RAD54L2: variants seen among roughly 807,000 people sequenced by gnomAD.
The protein encoded by RAD54L2 is RAD54 like 2, also known as helicase ARIP4.
A neutral mutation model predicts 138.4 loss-of-function variants in RAD54L2; 27 were observed. The ratio of observed to expected loss-of-function variants is 0.20; its 90% CI spans 0.14 to 0.27. The LOEUF (loss-of-function observed/expected upper bound fraction) is 0.27. Among genes scored for constraint, RAD54L2 ranks in the 10% least tolerant of loss-of-function variants. The pLI, the probability that RAD54L2 is intolerant of heterozygous loss-of-function variation, is 1.00. For synonymous variants in RAD54L2, 644 were observed against 723.2 expected, an observed-to-expected ratio of 0.89 and a Z score of 1.76; for missense variants, 1,396 against 1,890.2, an observed-to-expected ratio of 0.74 and a Z score of 4.85.
rs9844541 is a variant in RAD54L2, at chr3:51,634,139, T to C, written c.1142+104T>C. The C allele has an allele frequency of 8.5e-3, 11,858 of 1,399,132 alleles. 676 individuals carry two copies. In the African/African-American group the frequency reaches 0.13, roughly 16 times the overall value. 86.7% of individuals were successfully genotyped at this position (1,399,132 alleles called of 1,614,324 possible). ...GAGTGTGTAGCCTGTGCATCTAGATTTGTTTTTGGTTTCCTGATGTATCAC... is the reference window on the plus strand; with the variant it reads ...GAGTGTGTAGCCTGTGCATCTAGATCTGTTTTTGGTTTCCTGATGTATCAC... On this transcript the variant is annotated intron_variant, in intron 9 of 22. Transcript: ENST00000684192.
At chr3:51,660,775 C>G (rs1701746534) in intron 22 of RAD54L2, among the ~76,000 whole-genome samples, 2 of 151,786 alleles carry the variant, frequency 1.3e-5, no homozygotes, top group Admixed American at 6.6e-5. Context: ...AAGCATGCCA[C>G]CACGCCCAGC....
Position 51,664,356 on chromosome 3 carries a change from C to T in RAD54L2, c.*936C>T, listed in dbSNP as rs1309689094. 6.6e-6 allele frequency: 1 copy of T among 152,220 alleles called. No individual in the cohort carries two copies. The highest frequency in any genetic ancestry group is 2.4e-5 in the African/African-American group (1 of 41,440). 9.4% of individuals were successfully genotyped at this position (152,220 alleles called of 1,614,324 possible). On this transcript the variant is annotated 3_prime_UTR_variant, in exon 23 of 23. Coordinates refer to ENST00000684192, the MANE Select transcript of RAD54L2 (RefSeq NM_015106.4). Reference sequence around the variant, plus strand: ...CAGAGGCTGGGAGGGAGAAGCACTGCAGTACGTGAATGAAAGGTCGCAGAG... The same window carrying T: ...CAGAGGCTGGGAGGGAGAAGCACTGTAGTACGTGAATGAAAGGTCGCAGAG...
intron 3 of RAD54L2, among the ~76,000 whole-genome samples, chr3:51,600,096 C>A (rs1700048226): frequency 6.6e-6 from 1 of 151,926 alleles, no homozygotes; most frequent in Non-Finnish European, 1.5e-5. Flanking sequence ...CCATGCCTGG[C>A]TAATTTTTGT....
chr3:51,653,153 T>C (rs534332675), intron 19 of RAD54L2, among the ~76,000 whole-genome samples: 33 of 152,276 alleles, frequency 2.2e-4, no homozygotes, highest in Admixed American at 5.9e-4. Flanking sequence ...AGAAGACATT[T>C]AGGCAGCCAA....
At chr3:51,583,227 A>G (rs1253722988) in intron 2 of RAD54L2, among the ~76,000 whole-genome samples, 1 of 152,178 alleles carries the variant, frequency 6.6e-6, no homozygotes, top group African/African-American at 2.4e-5. Context: ...AGATTCCTAG[A>G]TCTCCTTCAA....
rs1701837509 is a variant in RAD54L2 at position 51,663,363 on chromosome 3, C to T, written c.4347C>T (p.Phe1449=). The part of the protein sequence containing the change: ...FDSHEVAEVG[F]SSNDDEDKDD... ...CTCATGAGGTTGCCGAGGTTGGGTTCAGCTCCAATGATGATGAGGATAAAG... is the reference window on the plus strand; with the variant it reads ...CTCATGAGGTTGCCGAGGTTGGGTTTAGCTCCAATGATGATGAGGATAAAG... Residue 1449 remains phenylalanine, a synonymous_variant, in exon 23 of 23, where the codon TTC becomes TTT. Transcript: ENST00000684192. The T allele has an allele frequency of 2.5e-6, 4 of 1,613,772 alleles. No individual in the cohort carries two copies. The highest frequency in any genetic ancestry group is 1.3e-5 in the African/African-American group (1 of 74,858).
intron 2 of RAD54L2, among the ~76,000 whole-genome samples, chr3:51,573,484 C>T (rs1699389093): frequency 6.6e-6 from 1 of 151,818 alleles, no homozygotes; most frequent in Non-Finnish European, 1.5e-5. Flanking sequence ...TGCTGTTTCC[C>T]AGGCTGGAGT....
At position 51,662,833 on chromosome 3, in the gene RAD54L2, A is replaced by G. The variant is rs1701817192; in HGVS notation, c.3817A>G (p.Arg1273Gly). The G allele has an allele frequency of 6.2e-7, 1 of 1,612,814 alleles. No homozygotes were observed. Among genetic ancestry groups the G allele is most frequent in the Non-Finnish European group, 8.5e-7 (1 of 1,179,520 alleles). The change falls in exon 23 of 23, where the codon AGG (arginine) becomes GGG (glycine). Residue 1273 changes from arginine (R) to glycine (G), a missense_variant. Arg to Gly is a moderately radical substitution (Grantham distance 125). Transcript: ENST00000684192. The surrounding 1 kb of genome is among the most constrained non-coding windows in gnomAD (Gnocchi z 4.6). ...CCAGGAGTCATCCCGCCGGCGGTCC[A>G]GGAAGGGTCATCTGCCAGCCCCCGT... ...AAQESSRRRS[R>G]KGHLPAPVQP... is the part of the protein sequence containing the mutation.
At chr3:51,556,350 T>C (rs1698963397) in intron 2 of RAD54L2, among the ~76,000 whole-genome samples, 2 of 152,114 alleles carry the variant, frequency 1.3e-5, no homozygotes, top group Admixed American at 1.3e-4. Context: ...ATCTGCTCCC[T>C]ATGGCCTCAA....
At chr3:51,622,375 C>T (rs1332162449) in intron 3 of RAD54L2, among the ~76,000 whole-genome samples, 1 of 152,110 alleles carries the variant, frequency 6.6e-6, no homozygotes, top group East Asian at 1.9e-4. Context: ...TGTAATAGGC[C>T]TATTACAGAC....
chr3:51,547,256 C>T (rs1553672481), intron 2 of RAD54L2, among the ~76,000 whole-genome samples: 1 of 151,864 alleles, frequency 6.6e-6, no homozygotes, highest in Non-Finnish European at 1.5e-5. Flanking sequence ...TCTGAGCTAC[C>T]AGTCTCCCAG....
intron 19 of RAD54L2, among the ~76,000 whole-genome samples, chr3:51,655,098 A>G (rs796809168): frequency 6.6e-6 from 1 of 152,206 alleles, no homozygotes; most frequent in South Asian, 2.1e-4. Flanking sequence ...ACCTAAGAGC[A>G]ATGTGATTGA....
rs1219316224 is a variant in RAD54L2, at chr3:51,645,258, C to T, written c.2656+29C>T. ...GGCCATCTTCCAGACTTCGGAGAGG[C>T]ACATCTATACAGGCTACCATCCTTT... On this transcript the variant is annotated intron_variant, in intron 17 of 22. Transcript: ENST00000684192. The surrounding 1 kb of genome is among the most constrained non-coding windows in gnomAD (Gnocchi z 6.1). 2.6e-6 allele frequency: 4 copies of T among 1,556,348 alleles called. No homozygotes were observed. The highest frequency in any genetic ancestry group is 1.4e-5 in the African/African-American group (1 of 73,814).
At chr3:51,578,786 T>A (rs767821485) in intron 2 of RAD54L2, among the ~76,000 whole-genome samples, 2 of 152,110 alleles carry the variant, frequency 1.3e-5, no homozygotes, top group Non-Finnish European at 2.9e-5. Context: ...TGCAGTACTC[T>A]TTTAGCTTTG....
chr3:51,589,995 C>G (rs1472944803), intron 2 of RAD54L2, among the ~76,000 whole-genome samples: 3 of 151,978 alleles, frequency 2.0e-5, no homozygotes, highest in Non-Finnish European at 4.4e-5. Flanking sequence ...GCATTTTTTT[C>G]TTTGTTTTTC....
chr3:51,629,582 G>C (rs1005615872), intron 5 of RAD54L2, 109 bp downstream of exon 5: 3 of 1,377,002 alleles, frequency 2.2e-6, no homozygotes, highest in African/African-American at 2.9e-5. Context: ...CTCTCGGCTG[G>C]GCGCGGTGGC....
chr3:51,630,688 T>G lies in RAD54L2; in HGVS notation c.599-17T>G, dbSNP rs750906958. On this transcript the variant is annotated splice_polypyrimidine_tract_variant and intron_variant, in intron 6 of 22. Coordinates refer to ENST00000684192, the MANE Select transcript of RAD54L2 (RefSeq NM_015106.4). Reference sequence around the variant, plus strand: ...CACTCCCTGGATTTTTGGTTTTGCTTTTTTTTGCTGTCTCAGAGGTGATTG... The same window carrying G: ...CACTCCCTGGATTTTTGGTTTTGCTGTTTTTTGCTGTCTCAGAGGTGATTG... The G allele has an allele frequency of 3.0e-5, 48 of 1,607,074 alleles. No homozygotes were observed. Among genetic ancestry groups the G allele is most frequent in the Non-Finnish European group, 3.8e-5 (45 of 1,175,500 alleles).
At chr3:51,562,035 A>T (rs1422169709) in intron 2 of RAD54L2, among the ~76,000 whole-genome samples, 6 of 137,668 alleles carry the variant, frequency 4.4e-5, no homozygotes, top group African/African-American at 1.3e-4. Context: ...TGCCCAGTTA[A>T]TTTTTTTTTT....
At chr3:51,548,571 C>G (rs1221307107) in intron 2 of RAD54L2, among the ~76,000 whole-genome samples, 1 of 152,090 alleles carries the variant, frequency 6.6e-6, no homozygotes, top group Non-Finnish European at 1.5e-5. Context: ...GGAAGCAAAC[C>G]CGAAAAGGTG....
Sources: gnomAD v4.1 joint callset for allele counts (sites outside exome capture counted in the v4.1 genomes callset) on GRCh38, gnomAD v4.1.1 for gene constraint, Gnocchi (gnomAD v3.1) non-coding constraint, MANE v1.5 for transcripts, NCBI Gene and HGNC (gene_info 2026-07-23, HGNC 2026-07-21) for gene names.